Variants in EEFSEC observed in about 807,000 individuals in gnomAD.
EEFSEC encodes eukaryotic elongation factor, selenocysteine-tRNA specific, also known as selenocysteine-specific elongation factor.
In EEFSEC, 43 loss-of-function variants were observed where a neutral mutation model predicts 42.1. The ratio of observed to expected loss-of-function variants is 1.02; its 90% CI spans 0.80 to 1.32. The LOEUF is 1.32. Among genes scored for constraint, EEFSEC ranks in the 40% most tolerant of loss-of-function variants. The probability of loss-of-function intolerance (pLI) is 0.00; values close to 1 mark genes in which losing one functional copy is unlikely to be tolerated. For synonymous variants in EEFSEC, 354 were observed against 339.1 expected (o/e 1.04, Z -0.48); for missense variants, 745 against 803.6 (o/e 0.93, Z 0.88).
intron 3 of EEFSEC, among the ~76,000 whole-genome samples, chr3:128,263,653 G>T (rs1287833030): frequency 2.0e-5 from 3 of 152,206 alleles, no homozygotes; most frequent in African/African-American, 7.2e-5. Flanking sequence ...CAAAAGAATT[G>T]TTATCACAAG....
intron 4 of EEFSEC, among the ~76,000 whole-genome samples, chr3:128,318,691 G>C (rs572204876): frequency 1.3e-5 from 2 of 152,324 alleles, no homozygotes; most frequent in East Asian, 3.9e-4. Context: ...TCACCTATTT[G>C]CCAGCATGGC....
In EEFSEC at chr3:128,250,909, T is replaced by C. The variant is rs550495273; in HGVS notation, c.524+3866T>C. On this transcript the variant is annotated intron_variant, in intron 2 of 6. Transcript: ENST00000254730. The stretch of plus-strand genomic sequence containing the variant: ...TGTTTAAGTCATCTTTAGTTTTTTT[T>C]GGTTTTTTTTTTTTTTTTTTAGCAA... Among the ~76,000 whole-genome samples the C allele has an allele frequency of 1.9e-3, 190 of 98,358 alleles. 1 individual carries two copies. The highest frequency in any genetic ancestry group is 6.2e-3 in the African/African-American group (183 of 29,418). 64.5% of individuals were successfully genotyped at this position (98,358 alleles called of 152,430 possible). A position where few individuals can be genotyped will look rare whatever the true frequency, so the allele number is the denominator to read the frequency against.
rs187634446 is a variant in EEFSEC at position 128,391,379 on chromosome 3, T to C, written c.1601-16690T>C. On this transcript the variant is annotated intron_variant, in intron 6 of 6. Coordinates refer to ENST00000254730, the MANE Select transcript of EEFSEC (RefSeq NM_021937.5). The stretch of plus-strand genomic sequence containing the variant: ...GAGGCAGAAGAGCCCCACACCTGGG[T>C]TGGGGTGGCCTCCCAGTTGACCACC... Among the ~76,000 whole-genome samples the C allele has an allele frequency of 2.0e-4, 31 of 152,320 alleles. No homozygotes were observed. The East Asian group carries it at 3.1e-3, about 15-fold the overall frequency.
chr3:128,358,358 A>G lies in EEFSEC; in HGVS notation c.1585A>G (p.Lys529Glu), dbSNP rs763903728. 14 of 1,614,098 alleles carry G rather than the reference A, an allele frequency of 8.7e-6. No homozygotes were observed. The highest frequency in any genetic ancestry group is 1.2e-5 in the Non-Finnish European group (14 of 1,180,038). The change falls in exon 6 of 7, where the codon AAG becomes GAG. Residue 529 changes from lysine (K) to glutamate (E), a missense_variant. By Grantham distance (56) the Lys-to-Glu change is moderately conservative (BLOSUM62 1). Transcript: ENST00000254730. The stretch of plus-strand genomic sequence containing the variant: ...TGCCTTCGGCCAGAGCGGCAAGTTC[A>G]AGATCCACATCCCAGGTAAGTGCAG... ...DSAFGQSGKFKIHIPGGLSPE... is the reference protein window; with the variant it reads ...DSAFGQSGKFEIHIPGGLSPE...
At chr3:128,160,818 A>C (rs2065178463) in intron 1 of EEFSEC, among the ~76,000 whole-genome samples, 1 of 152,150 alleles carries the variant, frequency 6.6e-6, no homozygotes, top group South Asian at 2.1e-4. Context: ...ACACACACAC[A>C]CACACACGAA....
chr3:128,382,731 C>T (rs1430794288), intron 6 of EEFSEC, among the ~76,000 whole-genome samples: 2 of 152,062 alleles, frequency 1.3e-5, no homozygotes, highest in Non-Finnish European at 2.9e-5. Flanking sequence ...ACTCTGAGCT[C>T]ATAAATTCCT....
intron 1 of EEFSEC, among the ~76,000 whole-genome samples, chr3:128,154,151 A>T (rs927440985): frequency 6.6e-5 from 10 of 152,042 alleles, no homozygotes; most frequent in African/African-American, 2.4e-4. Context: ...GAAAACTCAC[A>T]AGCTACAAAA....
chr3:128,212,794 A>G (rs1044218488), intron 1 of EEFSEC, among the ~76,000 whole-genome samples: 11 of 152,194 alleles, frequency 7.2e-5, no homozygotes, highest in African/African-American at 2.4e-4. Context: ...AGTGAGCCAA[A>G]GCCAACATGA....
chr3:128,182,950 G>A (rs1234849970), intron 1 of EEFSEC, among the ~76,000 whole-genome samples: 1 of 152,006 alleles, frequency 6.6e-6, no homozygotes, highest in Non-Finnish European at 1.5e-5. Context: ...AGCGGGAAGA[G>A]GCCTTTCTTT....
chr3:128,389,474 T>C (rs750062252), intron 6 of EEFSEC, among the ~76,000 whole-genome samples: 3 of 152,170 alleles, frequency 2.0e-5, no homozygotes, highest in Non-Finnish European at 4.4e-5. Flanking sequence ...AAGTCACAAG[T>C]GGTTGGTGGT....
chr3:128,181,857 A>C (rs964121731), intron 1 of EEFSEC, among the ~76,000 whole-genome samples: 1 of 152,318 alleles, frequency 6.6e-6, no homozygotes, highest in African/African-American at 2.4e-5. Flanking sequence ...TCTATTGCTC[A>C]GGCTGGAGTG....
chr3:128,305,462 A>G (rs2066816381), intron 4 of EEFSEC, among the ~76,000 whole-genome samples: 1 of 152,214 alleles, frequency 6.6e-6, no homozygotes, highest in African/African-American at 2.4e-5. Context: ...AGAAGATTGA[A>G]GAAATTTGTC....
intron 4 of EEFSEC, among the ~76,000 whole-genome samples, chr3:128,300,793 C>A (rs910010138): frequency 6.6e-6 from 1 of 152,026 alleles, no homozygotes; most frequent in Non-Finnish European, 1.5e-5. Context: ...ACCTTTTTCC[C>A]AGAAGTTTGA....
At chr3:128,197,954 G>C (rs927404195) in intron 1 of EEFSEC, among the ~76,000 whole-genome samples, 1 of 152,162 alleles carries the variant, frequency 6.6e-6, no homozygotes, top group Non-Finnish European at 1.5e-5. Flanking sequence ...AAACTGAGCC[G>C]TCTGTCTCTG....
chr3:128,358,598 A>G (rs1349872026), intron 6 of EEFSEC, among the ~76,000 whole-genome samples: 1 of 152,122 alleles, frequency 6.6e-6, no homozygotes, highest in Non-Finnish European at 1.5e-5. Flanking sequence ...AGCAGGGTCA[A>G]GATTGGAGTC....
chr3:128,229,593 C>T (rs1014917332), intron 1 of EEFSEC, among the ~76,000 whole-genome samples: 3 of 152,230 alleles, frequency 2.0e-5, no homozygotes, highest in Non-Finnish European at 2.9e-5. Flanking sequence ...TCTGTTTCTT[C>T]GAACTTTCCT....
chr3:128,301,321 C>A (rs2066766075), intron 4 of EEFSEC, among the ~76,000 whole-genome samples: 1 of 152,186 alleles, frequency 6.6e-6, no homozygotes, highest in Non-Finnish European at 1.5e-5. Context: ...ACCTGGGCAG[C>A]TCCTACCCAT....
the EEFSEC span, among the ~76,000 whole-genome samples, chr3:128,415,162 T>A: frequency 5.3e-5 from 8 of 152,216 alleles, no homozygotes; most frequent in African/African-American, 1.9e-4. Context: ...GTCTTGGGTC[T>A]GGGTGGACGC....
the EEFSEC span, among the ~76,000 whole-genome samples, chr3:128,415,797 T>C: frequency 6.6e-6 from 1 of 152,160 alleles, no homozygotes; most frequent in Admixed American, 6.5e-5. Flanking sequence ...CTGGCCGGCC[T>C]CTTATGGATG....
Sources: allele counts gnomAD v4.1 joint callset (sites outside exome capture counted in the v4.1 genomes callset), GRCh38; gene constraint gnomAD v4.1.1; transcripts MANE v1.5; gene names NCBI Gene and HGNC (gene_info 2026-07-23, HGNC 2026-07-21).